The following ATG2A variants were observed in gnomAD, a reference collection of about 807,000 sequenced individuals.
The protein encoded by ATG2A is autophagy related 2A.
Under a neutral mutation model 214.2 loss-of-function variants are expected in ATG2A, and 103 were observed. The observed-to-expected ratio is 0.48, with a 90% confidence interval of 0.41 to 0.57. The LOEUF (loss-of-function observed/expected upper bound fraction) is 0.57, where lower values mean the gene tolerates loss of function less well. Ranked by LOEUF, ATG2A falls within the 20% of genes least tolerant of loss-of-function variation. ATG2A has a pLI of 0.00. For synonymous variants in ATG2A, 1,160 were observed against 1,142.1 expected (o/e 1.02, Z -0.32); for missense variants, 2,312 against 2,613.2 (o/e 0.88, Z 2.51).
intron 16 of ATG2A, among the ~76,000 whole-genome samples, chr11:64,908,472 A>G (rs1944637901): frequency 6.6e-6 from 1 of 152,056 alleles, no homozygotes; most frequent in African/African-American, 2.4e-5. Flanking sequence ...GAATCGCTTG[A>G]GCCTGGGAGG....
Position 64,907,820 on chromosome 11 carries a change from C to A in ATG2A, c.2435G>T (p.Ser812Ile), listed in dbSNP as rs367628201. 2.4e-5 allele frequency: 39 copies of A among 1,613,378 alleles called. No individual in the cohort carries two copies. In the African/African-American group the frequency reaches 5.1e-4, roughly 21 times the overall value. Residue 812 changes from serine (S) to isoleucine (I), a missense_variant, in exon 17 of 41, where the codon AGC becomes ATC. Coordinates refer to ENST00000377264, the MANE Select transcript of ATG2A (RefSeq NM_015104.3). ...GACACTGGGCAGGATCACTTCCAGG[C>A]TGCAGCGGGACAGTGCCAGGGTCCG... is the stretch of plus-strand genomic sequence containing the variant. Reference protein sequence around the residue: ...QSRTLALSRCSLEVILPSVHI... With the variant: ...QSRTLALSRCILEVILPSVHI...
rs772147885 is a variant in ATG2A at position 64,906,166 on chromosome 11, T to G, written c.3211A>C (p.Lys1071Gln). 1 of 1,607,338 alleles carries G rather than the reference T, an allele frequency of 6.2e-7. No homozygotes were observed. The highest frequency in any genetic ancestry group is 1.1e-5 in the South Asian group (1 of 90,372). The change falls in exon 22 of 41, where the codon AAA becomes CAA. Residue 1071 changes from lysine to glutamine, a missense_variant. Physicochemically the swap from Lys to Gln is moderately conservative, Grantham distance 53. Coordinates refer to ENST00000377264, the MANE Select transcript of ATG2A (RefSeq NM_015104.3). The part of the protein sequence containing the change: ...KEFLVTLRLH[K>Q]ATLRHYMALP... ...GCCATGTAGTGGCGCAAGGTGGCTT[T>G]GTGCAACCGCAGTGTCACCAGGAAC...
In ATG2A at chr11:64,898,357, G is replaced by A; in HGVS notation, c.4677C>T (p.Thr1559=). The A allele has an allele frequency of 6.2e-7, 1 of 1,600,474 alleles. No homozygotes were observed. Among genetic ancestry groups the A allele is most frequent in the South Asian group, 1.1e-5 (1 of 89,552 alleles). Residue 1559 remains threonine (T), a synonymous_variant, in exon 33 of 41, where the codon ACC becomes ACT. Coordinates refer to ENST00000377264, the MANE Select transcript of ATG2A (RefSeq NM_015104.3). The surrounding 1 kb of genome is among the most constrained non-coding windows in gnomAD (Gnocchi z 4.5). ...TGGGGGCCACATGCAGCGCTTTGAT[G>A]GTGAGCTGGGAGCAGAGGGTGAGTT... is the stretch of plus-strand genomic sequence containing the variant. The part of the protein sequence containing the change: ...MPRRAHSNML[T]IKALHVAPTT...
rs1944540983 is a variant in ATG2A, at chr11:64,906,209, C to T, written c.3184-16G>A. 1.2e-6 allele frequency: 2 copies of T among 1,611,592 alleles called. No homozygotes were observed. The highest frequency in any genetic ancestry group is 8.5e-7 in the Non-Finnish European group (1 of 1,179,166). On this transcript the variant is annotated splice_polypyrimidine_tract_variant and intron_variant, in intron 21 of 40. Coordinates refer to ENST00000377264, the MANE Select transcript of ATG2A (RefSeq NM_015104.3). ...CCAGGAACTCCTGAGGGTGGGGGCG[C>T]AGTCAGGGCAGTGGGGAGGCCAGCC...
chr11:64,895,066 C>A lies in ATG2A; in HGVS notation c.5724G>T (p.Thr1908=). The A allele has an allele frequency of 6.2e-7, 1 of 1,612,930 alleles. No homozygotes were observed. ...TGCGCATGCCCCCGAGCAGGCTGGACGTGGCCTCCGTGGCCAGGATGAGCG... is the reference window on the plus strand; with the variant it reads ...TGCGCATGCCCCCGAGCAGGCTGGAAGTGGCCTCCGTGGCCAGGATGAGCG... ...VKPLILATEA[T]SSLLGGMRNQ... The change falls in exon 41 of 41, where the codon ACG becomes ACT. Residue 1908 remains threonine, a synonymous_variant. Coordinates refer to ENST00000377264, the MANE Select transcript of ATG2A (RefSeq NM_015104.3). This position sits in a 1 kb window ranked among gnomAD's most constrained non-coding sequence, Gnocchi z 5.0.
At position 64,896,469 on chromosome 11, in the gene ATG2A, G is replaced by A; in HGVS notation, c.5420C>T (p.Ala1807Val). Residue 1807 changes from alanine (A) to valine (V), a missense_variant, in exon 39 of 41, where the codon GCT becomes GTT. Coordinates refer to ENST00000377264, the MANE Select transcript of ATG2A (RefSeq NM_015104.3). ...TACAGGGCACCCACTCACCTGGATA[G>A]CCTGTACCAACCGGTTGCTGAGTTC... ...ALELSNRLVQ[A>V]IQATAETVYD... 1.2e-6 allele frequency: 2 copies of A among 1,611,922 alleles called. No homozygotes were observed. The highest frequency in any genetic ancestry group is 1.7e-6 in the Non-Finnish European group (2 of 1,179,060).
chr11:64,913,192 T>C lies in ATG2A; in HGVS notation c.727-56A>G. 2.5e-6 allele frequency: 4 copies of C among 1,607,614 alleles called. No homozygotes were observed. Among genetic ancestry groups the C allele is most frequent in the Non-Finnish European group, 3.4e-6 (4 of 1,177,218 alleles). Reference sequence around the variant, plus strand: ...GTTGAGAAAATGGAGTCAGAGATGGTCAGAAAGGATGGGAGGGGCTCAATG... The same window carrying C: ...GTTGAGAAAATGGAGTCAGAGATGGCCAGAAAGGATGGGAGGGGCTCAATG... On this transcript the variant is annotated intron_variant, in intron 5 of 40. Coordinates refer to ENST00000377264, the MANE Select transcript of ATG2A (RefSeq NM_015104.3). The surrounding 1 kb of genome is among the most constrained non-coding windows in gnomAD (Gnocchi z 4.3).
At position 64,906,667 on chromosome 11, in the gene ATG2A, C is replaced by T. The variant is rs748773349; in HGVS notation, c.2981G>A (p.Arg994Gln). The change falls in exon 20 of 41, where the codon CGA becomes CAA. Residue 994 changes from arginine (R) to glutamine (Q), a missense_variant and splice_region_variant. By Grantham distance (43) the Arg-to-Gln change is conservative. Coordinates refer to ENST00000377264, the MANE Select transcript of ATG2A (RefSeq NM_015104.3). ...TGACCTGCCCCCAGGCCTCACACCT[C>T]GGTGGTAGAGTGTTGCCTTTTCAGC... ...LEAEKATLYH[R>Q]AAVDDYPLPS... 2.5e-6 allele frequency: 4 copies of T among 1,613,484 alleles called. No homozygotes were observed. Among genetic ancestry groups the T allele is most frequent in the East Asian group, 2.2e-5 (1 of 44,878 alleles).
In ATG2A at chr11:64,917,031, C is replaced by G; in HGVS notation, c.105G>C (p.Leu35=). ...TGTACAGATCGAGGCTGAGCTGGTCCAGGCTGAGGTGCTCTTGGAAGAAGT... is the reference window on the plus strand; with the variant it reads ...TGTACAGATCGAGGCTGAGCTGGTCGAGGCTGAGGTGCTCTTGGAAGAAGT... ...LGHFFQEHLS[L]DQLSLDLYKG... Residue 35 remains leucine (L), a synonymous_variant, in exon 1 of 41, where the codon CTG becomes CTC. Coordinates refer to ENST00000377264, the MANE Select transcript of ATG2A (RefSeq NM_015104.3). 6.2e-7 allele frequency: 1 copy of G among 1,613,872 alleles called. No individual in the cohort carries two copies. The highest frequency in any genetic ancestry group is 8.5e-7 in the Non-Finnish European group (1 of 1,180,020).
At chr11:64,910,520 G>C in intron 12 of ATG2A, 96 bp downstream of exon 12, 2 of 1,374,840 alleles carry the variant, frequency 1.5e-6, no homozygotes, top group Non-Finnish European at 2.0e-6. Flanking sequence ...CAGGGGAAGA[G>C]GGACAGGGCT....
intron 12 of ATG2A, 123 bp from the exon 13 acceptor site, chr11:64,910,318 G>A (rs1017924328): frequency 3.7e-5 from 51 of 1,386,096 alleles, no homozygotes; most frequent in Non-Finnish European, 4.6e-5. Flanking sequence ...AAGAAGGCCT[G>A]CCCCACCTTT....
Position 64,903,415 on chromosome 11 carries a change from G to A in ATG2A, c.3536-51C>T, listed in dbSNP as rs766186862. The stretch of plus-strand genomic sequence containing the variant: ...CTGTGGCCCCCTTCCACCCGGCCCC[G>A]GCCCCAGCACCTGGGGGAAGGATCC... On this transcript the variant is annotated intron_variant, in intron 25 of 40. Transcript: ENST00000377264. The surrounding 1 kb of genome is among the most constrained non-coding windows in gnomAD (Gnocchi z 4.2). The A allele has an allele frequency of 1.4e-5, 23 of 1,596,088 alleles. No individual in the cohort carries two copies. Among genetic ancestry groups the A allele is most frequent in the South Asian group, 2.2e-5 (2 of 90,156 alleles).
Position 64,910,128 on chromosome 11 carries a change from TG to T in ATG2A, c.1774del (p.Gln592ArgfsTer30). On this transcript the variant is annotated frameshift_variant, in exon 13 of 41. Transcript: ENST00000377264. LOFTEE classifies it high-confidence loss of function. ...SELALDLANF[Q>X]ADVELGALDR... ...CAGGGCCCCCAGCTCCACGTCCGCC[TG>T]GAAGTTGGCCAGGTCCAGGGCCAGT... 6.2e-7 allele frequency: 1 copy of T among 1,611,966 alleles called. No homozygotes were observed. The highest frequency in any genetic ancestry group is 8.5e-7 in the Non-Finnish European group (1 of 1,179,594).
intron 19 of ATG2A, 85 bp from the exon 20 acceptor site, chr11:64,906,900 T>C: frequency 6.7e-7 from 1 of 1,482,936 alleles, no homozygotes; most frequent in Non-Finnish European, 9.0e-7. Flanking sequence ...CCTGGAGCCC[T>C]GGCCTAAGGG....
chr11:64,897,570 C>A (rs901018148), intron 36 of ATG2A, 76 bp from the exon 37 acceptor site: 1 of 1,599,424 alleles, frequency 6.3e-7, no homozygotes, highest in East Asian at 2.3e-5. Context: ...CACTGGAGAG[C>A]GCCCTGGCTG....
rs1944591345 is a variant in ATG2A at position 64,907,402 on chromosome 11, ATCCGAG to A, written c.2679_2684del (p.Ser894_Asp895del). 3 of 1,583,722 alleles carry A rather than the reference ATCCGAG, an allele frequency of 1.9e-6. No homozygotes were observed. The highest frequency in any genetic ancestry group is 2.6e-6 in the Non-Finnish European group (3 of 1,164,978). ...CTGAGAAGAAGTGGGCATCCTCGTC[ATCCGAG>A]TCCGAGTCTGGGGTGAGATCAAAGC... On this transcript the variant is annotated inframe_deletion, in exon 19 of 41. Transcript: ENST00000377264.
In ATG2A at chr11:64,909,689, T is replaced by C; in HGVS notation, c.2099A>G (p.Asp700Gly). The change falls in exon 14 of 41, where the codon GAC becomes GGC. Residue 700 changes from aspartate (D) to glycine (G), a missense_variant. Coordinates refer to ENST00000377264, the MANE Select transcript of ATG2A (RefSeq NM_015104.3). Reference protein sequence around the residue: ...VPTHLELTCSDLHGIYEDGGK... With the variant: ...VPTHLELTCSGLHGIYEDGGK... The stretch of plus-strand genomic sequence containing the variant: ...CACTCGGGGGCTCTCACCATGTAGG[T>C]CGGAGCAGGTGAGTTCCAGGTGGGT... 6.2e-7 allele frequency: 1 copy of C among 1,612,582 alleles called. No individual in the cohort carries two copies. Among genetic ancestry groups the C allele is most frequent in the South Asian group, 1.1e-5 (1 of 91,078 alleles).
Position 64,902,570 on chromosome 11 carries a change from G to T in ATG2A, c.3723C>A (p.Gly1241=). The change falls in exon 27 of 41, where the codon GGC becomes GGA. Residue 1241 remains glycine, a synonymous_variant. Coordinates refer to ENST00000377264, the MANE Select transcript of ATG2A (RefSeq NM_015104.3). ...VNLLQYVMST[G]DLHPPPRPPS... is the part of the protein sequence containing the mutation. ...GGGGCCGGGGTGGGGGGTGCAGATC[G>T]CCTGTGCTCATTACGTACTGGAGCA... 2 of 1,588,734 alleles carry T rather than the reference G, an allele frequency of 1.3e-6. No homozygotes were observed. Among genetic ancestry groups the T allele is most frequent in the Non-Finnish European group, 1.7e-6 (2 of 1,169,990 alleles).
chr11:64,905,377 A>G (rs1410517893), intron 24 of ATG2A, among the ~76,000 whole-genome samples, 186 bp downstream of exon 24: 5 of 152,186 alleles, frequency 3.3e-5, no homozygotes, highest in African/African-American at 4.8e-5. Flanking sequence ...GAGAGCACAA[A>G]TGCTTATAAG....
Sources: allele counts gnomAD v4.1 joint callset (sites outside exome capture counted in the v4.1 genomes callset), GRCh38; gene constraint gnomAD v4.1.1; non-coding constraint Gnocchi (gnomAD v3.1); transcripts MANE v1.5; gene names NCBI Gene and HGNC (gene_info 2026-07-23, HGNC 2026-07-21).